The following DSP variants were observed in gnomAD, a reference collection of about 807,000 sequenced individuals.
DSP encodes 250/210 kDa paraneoplastic pemphigus antigen.
In DSP, 114 loss-of-function variants were observed where a neutral mutation model predicts 290.6. The observed-to-expected ratio is 0.39, with a 90% CI of 0.34 to 0.46. DSP has a LOEUF of 0.46. Ranked by LOEUF, DSP falls within the 20% of genes least tolerant of loss-of-function variation. DSP has a pLI of 0.99. For missense variants in DSP, 3,230 were observed against 3,495.8 expected, an observed-to-expected ratio of 0.92 and a Z score of 1.92; for synonymous variants, 1,311 against 1,316.4, an observed-to-expected ratio of 1.00 and a Z score of 0.09.
At chr6:7,542,255 G>A (rs565214620) in intron 1 of DSP, among the ~76,000 whole-genome samples, 170 bp downstream of exon 1, 1 of 148,896 alleles carries the variant, frequency 6.7e-6, no homozygotes, top group East Asian at 2.0e-4. Flanking sequence ...GTCCTGACGC[G>A]TGCGGGGACA....
chr6:7,576,064 A>G (rs1300295353), intron 18 of DSP, among the ~76,000 whole-genome samples: 1 of 152,008 alleles, frequency 6.6e-6, no homozygotes, highest in African/African-American at 2.4e-5. Flanking sequence ...ATAATATTCC[A>G]TTGTTTGGCA....
At chr6:7,577,401 T>C (rs971896938) in intron 20 of DSP, among the ~76,000 whole-genome samples, 1 of 151,922 alleles carries the variant, frequency 6.6e-6, no homozygotes, top group African/African-American at 2.4e-5. Flanking sequence ...TGATCTCGGC[T>C]CACCGCAACC....
Position 7,581,263 on chromosome 6 carries a change from T to TA in DSP, c.5077dup (p.Ser1693LysfsTer6). On this transcript the variant is annotated frameshift_variant, in exon 23 of 24. Transcript: ENST00000379802. LOFTEE classifies it high-confidence loss of function. ...AGCATTTCCAGAAGGCGATAGAAGA[T>TA]AAAAGCAGAAGCTTAAATGAAAGCA... 1 of 1,614,036 alleles carries TA rather than the reference T, an allele frequency of 6.2e-7. No homozygotes were observed. Among genetic ancestry groups the TA allele is most frequent in the East Asian group, 2.2e-5 (1 of 44,880 alleles).
In DSP at chr6:7,581,268, G is replaced by A; in HGVS notation, c.5078G>A (p.Ser1693Asn). The change falls in exon 23 of 24, where the codon AGC becomes AAC. Residue 1693 changes from serine (S) to asparagine (N), a missense_variant. Around this residue, in one of 5 missense-constraint regions of DSP, gnomAD observed 1,714 missense variants for 1,844.5 expected, o/e 0.93. Coordinates refer to ENST00000379802, the MANE Select transcript of DSP (RefSeq NM_004415.4). ...EHFQKAIEDK[S>N]RSLNESKIEI... ...TTCCAGAAGGCGATAGAAGATAAAA[G>A]CAGAAGCTTAAATGAAAGCAAAATA... The A allele has an allele frequency of 1.2e-6, 2 of 1,614,140 alleles. No homozygotes were observed. The highest frequency in any genetic ancestry group is 1.7e-6 in the Non-Finnish European group (2 of 1,180,048).
chr6:7,574,729 G>A lies in DSP; in HGVS notation c.2370G>A (p.Arg790=). The A allele has an allele frequency of 6.2e-7, 1 of 1,614,164 alleles. No individual in the cohort carries two copies. Among genetic ancestry groups the A allele is most frequent in the South Asian group, 1.1e-5 (1 of 91,080 alleles). The part of the protein sequence containing the change: ...TEDMLKVYEA[R]LTEEETVCLD... ...ACATGTTAAAGGTTTATGAAGCCAG[G>A]CTCACTGAGGAGGAAACTGTCTGCC... The change falls in exon 17 of 24, where the codon AGG becomes AGA. Residue 790 remains arginine (R), a synonymous_variant. Transcript: ENST00000379802.
intron 6 of DSP, among the ~76,000 whole-genome samples, chr6:7,564,719 T>A (rs1010225041): frequency 6.6e-6 from 1 of 152,210 alleles, no homozygotes; most frequent in African/African-American, 2.4e-5. Context: ...ATGTTCGAGG[T>A]GATGGATATC....
chr6:7,541,750 A>G lies in DSP; in HGVS notation c.-166A>G, dbSNP rs1757978516. 1.2e-6 allele frequency: 1 copy of G among 830,348 alleles called. No individual in the cohort carries two copies. The highest frequency in any genetic ancestry group is 1.8e-5 in the African/African-American group (1 of 54,640). 51.4% of individuals were successfully genotyped at this position (830,348 alleles called of 1,614,324 possible). A position where few individuals can be genotyped will look rare whatever the true frequency, so the allele number is the denominator to read the frequency against. ...GGCCCGTCGCCGTCTCCGCGCTCGC[A>G]GCGGCCTCGGGAGGGCCCAGGTAGC... On this transcript the variant is annotated 5_prime_UTR_variant, in exon 1 of 24. Transcript: ENST00000379802.
intron 13 of DSP, 61 bp from the exon 14 acceptor site, chr6:7,571,322 T>C: frequency 6.2e-7 from 1 of 1,602,682 alleles, no homozygotes; most frequent in Non-Finnish European, 8.5e-7. Flanking sequence ...TGGCCAACTC[T>C]TCTTGATTGC....
Position 7,559,226 on chromosome 6 carries a change from G to A in DSP, c.423G>A (p.Arg141=), listed in dbSNP as rs771688614. The A allele has an allele frequency of 6.2e-7, 1 of 1,613,820 alleles. No individual in the cohort carries two copies. The highest frequency in any genetic ancestry group is 2.2e-5 in the East Asian group (1 of 44,886). Residue 141 remains arginine, a splice_region_variant and synonymous_variant, in exon 4 of 24, where the codon AGG becomes AGA. Transcript: ENST00000379802. ...GGTTTAAAGGTTTTTTTCTTTGCAG[G>A]CTTCTTCAGCTCCAAGAGCAAATGC... ...MGQPCDAYQK[R]LLQLQEQMRA...
At chr6:7,572,303 G>T (rs770694492) in intron 15 of DSP, among the ~76,000 whole-genome samples, 1 of 152,166 alleles carries the variant, frequency 6.6e-6, no homozygotes, top group Non-Finnish European at 1.5e-5. Flanking sequence ...CATCTCAAAA[G>T]TTTTCACAAC....
intron 2 of DSP, among the ~76,000 whole-genome samples, chr6:7,557,078 T>C (rs1758525201): frequency 6.6e-6 from 1 of 152,224 alleles, no homozygotes; most frequent in African/African-American, 2.4e-5. Flanking sequence ...CATTTCTGTT[T>C]AGAGAAAAGA....
At chr6:7,578,262 C>A (rs1047184347) in intron 21 of DSP, among the ~76,000 whole-genome samples, 1 of 152,174 alleles carries the variant, frequency 6.6e-6, no homozygotes, top group East Asian at 1.9e-4. Context: ...TTAGGGGAAA[C>A]AGCCTGGAGA....
intron 18 of DSP, 140 bp downstream of exon 18, chr6:7,575,628 T>TTTGCATACA: frequency 9.8e-7 from 1 of 1,016,816 alleles, no homozygotes; most frequent in Non-Finnish European, 1.5e-6. Context: ...GCTCTTTTCA[T>TTTGCATACA]GGACTGCCTG....
At chr6:7,578,341 A>T in intron 21 of DSP, 123 bp from the exon 22 acceptor site, 1 of 820,916 alleles carries the variant, frequency 1.2e-6, no homozygotes, top group Non-Finnish European at 2.0e-6. Context: ...TGGAATGAAC[A>T]CACTAAAGAA....
rs754800071 is a variant in DSP at position 7,585,928 on chromosome 6, C to A, written c.*50C>A. 3 of 1,557,242 alleles carry A rather than the reference C, an allele frequency of 1.9e-6. No individual in the cohort carries two copies. The East Asian group carries it at 6.7e-5, about 35-fold the overall frequency. On this transcript the variant is annotated 3_prime_UTR_variant, in exon 24 of 24. Transcript: ENST00000379802. Reference sequence around the variant, plus strand: ...ACCTTGACTTCATTTATATGAATTTCCACTTTATTAAATAATAGAAAAGAA... The same window carrying A: ...ACCTTGACTTCATTTATATGAATTTACACTTTATTAAATAATAGAAAAGAA...
chr6:7,576,550 A>G, intron 19 of DSP, 94 bp downstream of exon 19: 1 of 1,492,072 alleles, frequency 6.7e-7, no homozygotes, highest in South Asian at 1.1e-5. Context: ...CTAGGTTTGA[A>G]ATGATGAATA....
chr6:7,580,917 A>G lies in DSP; in HGVS notation c.4727A>G (p.Glu1576Gly). The G allele has an allele frequency of 6.2e-7, 1 of 1,614,166 alleles. No homozygotes were observed. Among genetic ancestry groups the G allele is most frequent in the Non-Finnish European group, 8.5e-7 (1 of 1,180,016 alleles). Reference sequence around the variant, plus strand: ...CTGCAGAAGCAGAAGGTGGAAGAGGAGCTGAATCGGCTGAAGAGGACCGCG... The same window carrying G: ...CTGCAGAAGCAGAAGGTGGAAGAGGGGCTGAATCGGCTGAAGAGGACCGCG... The part of the protein sequence containing the change: ...LQLQKQKVEE[E>G]LNRLKRTASE... Residue 1576 changes from glutamate to glycine, a missense_variant, in exon 23 of 24, where the codon GAG (glutamate) becomes GGG (glycine). Transcript: ENST00000379802. This position sits in a 1 kb window ranked among gnomAD's most constrained non-coding sequence, Gnocchi z 4.2.
At chr6:7,563,210 A>G (rs1758756194) in intron 5 of DSP, among the ~76,000 whole-genome samples, 5 of 152,192 alleles carry the variant, frequency 3.3e-5, no homozygotes, top group Admixed American at 3.3e-4. Context: ...TCCCATGCTG[A>G]AAAAAGTCAG....
In DSP at chr6:7,574,994, C is replaced by G. The variant is rs1230315623; in HGVS notation, c.2436+199C>G. Among the ~76,000 whole-genome samples the G allele has an allele frequency of 3.9e-5, 6 of 152,100 alleles. 1 individual carries two copies. The highest frequency in any genetic ancestry group is 3.3e-4 in the Admixed American group (5 of 15,276). On this transcript the variant is annotated intron_variant, in intron 17 of 23. Transcript: ENST00000379802. ...GCAGGAACTATATAAGAAAGTAATTCGTGATGGGATTAGTTTGGGGAATGC... is the reference window on the plus strand; with the variant it reads ...GCAGGAACTATATAAGAAAGTAATTGGTGATGGGATTAGTTTGGGGAATGC...
Sources: gnomAD v4.1 joint callset for allele counts (sites outside exome capture counted in the v4.1 genomes callset) on GRCh38, gnomAD v4.1.1 for gene constraint, gnomAD v4.1.1 regional missense constraint, Gnocchi (gnomAD v3.1) non-coding constraint, MANE v1.5 for transcripts, NCBI Gene and HGNC (gene_info 2026-07-23, HGNC 2026-07-21) for gene names.